The following PPP1R7 variants were observed in gnomAD, a reference collection of about 807,000 sequenced individuals.
PPP1R7 encodes protein phosphatase 1 regulatory subunit 7, also known as protein phosphatase 1 regulatory subunit 22.
Under a neutral mutation model 45.2 loss-of-function variants are expected in PPP1R7, and 18 were observed. The observed-to-expected ratio is 0.40, with a 90% CI of 0.28 to 0.59. The LOEUF is 0.59. Ranked by LOEUF, PPP1R7 falls within the 20% of genes least tolerant of loss-of-function variation. The pLI, the probability that PPP1R7 is intolerant of heterozygous loss-of-function variation, is 0.46. For synonymous variants in PPP1R7, 181 were observed against 183.4 expected (o/e 0.99, Z 0.11); for missense variants, 314 against 455.8 (o/e 0.69, Z 2.83).
intron 7 of PPP1R7, among the ~76,000 whole-genome samples, chr2:241,164,304 T>C (rs1262447909): frequency 1.3e-5 from 2 of 152,350 alleles, no homozygotes; most frequent in South Asian, 4.1e-4. Context: ...GAGCTTATTC[T>C]AAATTCTAAA....
intron 3 of PPP1R7, among the ~76,000 whole-genome samples, chr2:241,158,117 G>A (rs1419917481): frequency 6.6e-6 from 1 of 152,100 alleles, no homozygotes; most frequent in Non-Finnish European, 1.5e-5. Context: ...TATACATGAG[G>A]GTCCCAATGG....
In PPP1R7 at chr2:241,153,378, T is replaced by C. The variant is rs1053818681; in HGVS notation, c.53-98T>C. The C allele has an allele frequency of 3.3e-6, 5 of 1,504,612 alleles. No individual in the cohort carries two copies. The African/African-American group carries it at 6.9e-5, about 21-fold the overall frequency. 93.2% of individuals were successfully genotyped at this position (1,504,612 alleles called of 1,614,324 possible). On this transcript the variant is annotated intron_variant, in intron 1 of 9. Coordinates refer to ENST00000234038, the MANE Select transcript of PPP1R7 (RefSeq NM_002712.3). ...TTGAACTGGATTCAACAAACATGTT[T>C]AAATGAAATCCTTTTGACTTACAAC... is the stretch of plus-strand genomic sequence containing the variant.
chr2:241,175,346 C>G (rs1402230568), intron 9 of PPP1R7, among the ~76,000 whole-genome samples: 1 of 152,168 alleles, frequency 6.6e-6, no homozygotes, highest in African/African-American at 2.4e-5. Flanking sequence ...CCTATTTTCC[C>G]CTTCCCAGAC....
At position 241,153,827 on chromosome 2, in the gene PPP1R7, A is replaced by G. The variant is rs542544524; in HGVS notation, c.181+223A>G. On this transcript the variant is annotated intron_variant, in intron 2 of 9. Coordinates refer to ENST00000234038, the MANE Select transcript of PPP1R7 (RefSeq NM_002712.3). ...TGCAAAAAGGATGTGGTTTTTTCCA[A>G]TTCCACTGAAGGCAAATCCTAGCAC... Among the ~76,000 whole-genome samples, 7 of 152,260 alleles carry G rather than the reference A, an allele frequency of 4.6e-5. No individual in the cohort carries two copies. In the East Asian group the frequency reaches 5.8e-4, roughly 13 times the overall value.
At chr2:241,157,620 A>G (rs1334187515) in intron 2 of PPP1R7, among the ~76,000 whole-genome samples, 187 bp from the exon 3 acceptor site, 1 of 152,184 alleles carries the variant, frequency 6.6e-6, no homozygotes, top group Non-Finnish European at 1.5e-5. Flanking sequence ...AAACATCACT[A>G]TTGTTGGAGC....
intron 4 of PPP1R7, 156 bp downstream of exon 4, chr2:241,158,705 C>T (rs2067516813): frequency 1.4e-6 from 1 of 702,842 alleles, no homozygotes; most frequent in Non-Finnish European, 2.4e-6. Context: ...ACTGGGAGCA[C>T]AGCAGGTGTG....
In PPP1R7 at chr2:241,160,207, C is replaced by G. The variant is rs1322670712; in HGVS notation, c.435-125C>G. Reference sequence around the variant, plus strand: ...GCAGGGGCACAGTCAGAACCCCCCACCCTCTCCCACCCGGTAGTGACTGCC... The same window carrying G: ...GCAGGGGCACAGTCAGAACCCCCCAGCCTCTCCCACCCGGTAGTGACTGCC... On this transcript the variant is annotated intron_variant, in intron 5 of 9. Coordinates refer to ENST00000234038, the MANE Select transcript of PPP1R7 (RefSeq NM_002712.3). 4.7e-6 allele frequency: 3 copies of G among 642,760 alleles called. No individual in the cohort carries two copies. In the African/African-American group the frequency reaches 5.7e-5, roughly 12 times the overall value. 39.8% of individuals were successfully genotyped at this position (642,760 alleles called of 1,614,324 possible). A position where few individuals can be genotyped will look rare whatever the true frequency, so the allele number is the denominator to read the frequency against.
chr2:241,182,552 C>T lies in PPP1R7; in HGVS notation c.907-95C>T, dbSNP rs1193435260. ...AAGACCCACACCTGCTCGCCATCTT[C>T]TGAGTGGGAAGGAGGAGGGTGGCTA... On this transcript the variant is annotated intron_variant, in intron 9 of 9. Transcript: ENST00000234038. 2.7e-6 allele frequency: 4 copies of T among 1,484,252 alleles called. No homozygotes were observed. In the Admixed American group the frequency reaches 5.4e-5, roughly 20 times the overall value. The allele number at this position is 1,484,252 out of a possible 1,614,324, so 91.9% of individuals were successfully genotyped here. A position where few individuals can be genotyped will look rare whatever the true frequency, so the allele number is the denominator to read the frequency against.
chr2:241,169,437 CAG>C (rs377745281), intron 8 of PPP1R7, among the ~76,000 whole-genome samples: 157 of 152,358 alleles, frequency 1.0e-3, no homozygotes, highest in African/African-American at 3.4e-3. Flanking sequence ...TTCAGAGCGT[CAG>C]GGGGTTACTC....
intron 2 of PPP1R7, among the ~76,000 whole-genome samples, chr2:241,156,697 A>C (rs1228459330): frequency 6.6e-6 from 1 of 152,202 alleles, no homozygotes; most frequent in Non-Finnish European, 1.5e-5. Context: ...AATTTAAAAA[A>C]GTTTTTTAAA....
chr2:241,169,608 G>C (rs2067779542), intron 8 of PPP1R7, among the ~76,000 whole-genome samples, 173 bp from the exon 9 acceptor site: 1 of 152,102 alleles, frequency 6.6e-6, no homozygotes, highest in Non-Finnish European at 1.5e-5. Flanking sequence ...CCCAGGGAGG[G>C]CTGCAGGAAG....
intron 6 of PPP1R7, among the ~76,000 whole-genome samples, chr2:241,160,941 A>G (rs2067574954): frequency 6.7e-6 from 1 of 149,624 alleles, no homozygotes; most frequent in South Asian, 2.2e-4. Context: ...GATCATGGTC[A>G]TCTTCTCTGG....
chr2:241,162,582 G>T (rs1210498308), intron 6 of PPP1R7, among the ~76,000 whole-genome samples: 1 of 152,124 alleles, frequency 6.6e-6, no homozygotes, highest in Non-Finnish European at 1.5e-5. Flanking sequence ...TGTGGTGTGA[G>T]GGCCCCCCAG....
chr2:241,150,251 C>T, upstream of PPP1R7: 8 of 1,292,414 alleles, frequency 6.2e-6, no homozygotes, highest in Non-Finnish European at 7.8e-6. Context: ...CTCTGCTTTC[C>T]TTCCCAGCTT....
chr2:241,163,221 C>A, intron 6 of PPP1R7, 64 bp from the exon 7 acceptor site: 2 of 1,098,694 alleles, frequency 1.8e-6, no homozygotes, highest in Admixed American at 1.9e-5. Context: ...GGTCCAGGCA[C>A]CTGCTGGCTG....
intron 5 of PPP1R7, 135 bp from the exon 6 acceptor site, chr2:241,160,197 G>A: frequency 1.5e-6 from 1 of 670,094 alleles, no homozygotes; most frequent in Non-Finnish European, 2.5e-6. Flanking sequence ...GGCACAGTCA[G>A]AACCCCCCAC....
intron 7 of PPP1R7, among the ~76,000 whole-genome samples, chr2:241,165,782 A>G (rs549005089): frequency 1.3e-5 from 2 of 150,872 alleles, no homozygotes; most frequent in African/African-American, 4.9e-5. Flanking sequence ...TTTTTTTCGT[A>G]GAGACGGGGT....
At chr2:241,156,161 A>G (rs1360383142) in intron 2 of PPP1R7, among the ~76,000 whole-genome samples, 3 of 152,192 alleles carry the variant, frequency 2.0e-5, no homozygotes, top group African/African-American at 7.2e-5. Context: ...GGGCTGTGTG[A>G]GCTCACTCCC....
At chr2:241,180,759 G>A (rs538843866) in intron 9 of PPP1R7, among the ~76,000 whole-genome samples, 7 of 141,620 alleles carry the variant, frequency 4.9e-5, no homozygotes, top group South Asian at 2.1e-4. Flanking sequence ...GGCACTGGTC[G>A]GGACAGCAGC....
Sources: allele counts gnomAD v4.1 joint callset (sites outside exome capture counted in the v4.1 genomes callset), GRCh38; gene constraint gnomAD v4.1.1; transcripts MANE v1.5; gene names NCBI Gene and HGNC (gene_info 2026-07-23, HGNC 2026-07-21).